Variants in CDH13 observed in about 807,000 individuals in gnomAD.
The protein encoded by CDH13 is cadherin 13.
A neutral mutation model predicts 63.8 loss-of-function variants in CDH13; 24 were observed. The observed-to-expected ratio is 0.38, with a 90% confidence interval of 0.27 to 0.53. The LOEUF (loss-of-function observed/expected upper bound fraction) is 0.53, where lower values mean the gene tolerates loss of function less well. CDH13 is among the 20% of genes least tolerant of loss of function. The probability of loss-of-function intolerance (pLI) is 0.85; values close to 1 mark genes in which losing one functional copy is unlikely to be tolerated. For synonymous variants in CDH13, 503 were observed against 355.3 expected, an observed-to-expected ratio of 1.42 and a Z score of -4.67; for missense variants, 1,049 against 903.1, an observed-to-expected ratio of 1.16 and a Z score of -2.07.
intron 6 of CDH13, among the ~76,000 whole-genome samples, chr16:83,441,740 G>A (rs2072486124): frequency 6.6e-6 from 1 of 152,104 alleles, no homozygotes; most frequent in Non-Finnish European, 1.5e-5. Flanking sequence ...AACGGTGTCT[G>A]GGAAGAGAGA....
intron 3 of CDH13, among the ~76,000 whole-genome samples, chr16:83,070,254 C>G (rs1324702695): frequency 2.0e-5 from 3 of 152,114 alleles, no homozygotes; most frequent in Non-Finnish European, 4.4e-5. Flanking sequence ...TTCCCTATAA[C>G]TAAATATTTG....
intron 5 of CDH13, among the ~76,000 whole-genome samples, chr16:83,268,429 C>T (rs1354410362): frequency 2.0e-5 from 3 of 152,174 alleles, no homozygotes; most frequent in African/African-American, 7.2e-5. Context: ...GTTGTTACTA[C>T]AGTTACCACA....
At chr16:82,788,957 C>T (rs558374189) in intron 1 of CDH13, among the ~76,000 whole-genome samples, 60 of 152,168 alleles carry the variant, frequency 3.9e-4, no homozygotes, top group Non-Finnish European at 1.6e-4. Flanking sequence ...GGTGAGCTTC[C>T]GGGCTGAATC....
chr16:83,709,985 C>G (rs1907760720), intron 10 of CDH13, among the ~76,000 whole-genome samples: 1 of 152,142 alleles, frequency 6.6e-6, no homozygotes, highest in Non-Finnish European at 1.5e-5. Context: ...CAAAAAATGG[C>G]CTATTTTTAG....
chr16:83,594,819 C>G (rs563470772), intron 7 of CDH13, among the ~76,000 whole-genome samples: 1 of 152,126 alleles, frequency 6.6e-6, no homozygotes, highest in African/African-American at 2.4e-5. Context: ...TGCAAAACGT[C>G]GAGGGTCTGG....
chr16:83,267,071 A>G (rs1907711202), intron 5 of CDH13, among the ~76,000 whole-genome samples: 1 of 152,032 alleles, frequency 6.6e-6, no homozygotes, highest in Admixed American at 6.6e-5. Context: ...CAGTGTTAAG[A>G]ATTTGTTAGG....
intron 8 of CDH13, among the ~76,000 whole-genome samples, chr16:83,624,167 G>A (rs1363398818): frequency 6.6e-6 from 1 of 152,100 alleles, no homozygotes; most frequent in African/African-American, 2.4e-5. Flanking sequence ...CTCTCTCCTT[G>A]TGGCAAGAAA....
intron 1 of CDH13, among the ~76,000 whole-genome samples, chr16:82,631,656 C>T (rs918797930): frequency 6.6e-6 from 1 of 152,208 alleles, no homozygotes; most frequent in African/African-American, 2.4e-5. Flanking sequence ...GAACAGGCTG[C>T]ACAGACAATG....
intron 1 of CDH13, among the ~76,000 whole-genome samples, chr16:82,853,299 G>C (rs1248067293): frequency 6.6e-6 from 1 of 152,140 alleles, no homozygotes; most frequent in South Asian, 2.1e-4. Context: ...TCTATTCACT[G>C]AACAGTTTTT....
At chr16:82,991,519 A>G (rs1291992444) in intron 2 of CDH13, among the ~76,000 whole-genome samples, 1 of 152,140 alleles carries the variant, frequency 6.6e-6, no homozygotes, top group East Asian at 1.9e-4. Flanking sequence ...TTTCCTGCCC[A>G]AGTCCAATTT....
intron 6 of CDH13, among the ~76,000 whole-genome samples, chr16:83,460,295 G>A (rs2073141447): frequency 6.6e-6 from 1 of 152,218 alleles, no homozygotes; most frequent in African/African-American, 2.4e-5. Context: ...CTGCTGTTCA[G>A]AGAGTAAATT....
chr16:82,702,095 C>A (rs1361817746), intron 1 of CDH13, among the ~76,000 whole-genome samples: 4 of 152,186 alleles, frequency 2.6e-5, no homozygotes, highest in African/African-American at 7.2e-5. Context: ...ATGCGAAGAA[C>A]CAGAGTCCCC....
intron 6 of CDH13, among the ~76,000 whole-genome samples, chr16:83,457,651 A>T (rs910591916): frequency 1.3e-5 from 2 of 152,000 alleles, no homozygotes; most frequent in South Asian, 4.1e-4. Context: ...CTTTAGAGAG[A>T]TGAGTTCAGG....
At chr16:82,648,453 A>G (rs957838637) in intron 1 of CDH13, among the ~76,000 whole-genome samples, 3 of 152,208 alleles carry the variant, frequency 2.0e-5, no homozygotes, top group East Asian at 1.9e-4. Context: ...AGGCAGCTCA[A>G]TAGAATATTA....
intron 1 of CDH13, among the ~76,000 whole-genome samples, chr16:82,700,277 C>A (rs548443920): frequency 6.6e-6 from 1 of 152,170 alleles, no homozygotes; most frequent in African/African-American, 2.4e-5. Flanking sequence ...ATCTACTTGA[C>A]CTGGGAACCC....
intron 1 of CDH13, chr16:82,823,182 C>G (rs531355965): frequency 6.6e-6 from 1 of 152,298 alleles, no homozygotes; most frequent in East Asian, 1.9e-4. Context: ...CACAGTGTCA[C>G]CTTTGCCACA....
intron 1 of CDH13, among the ~76,000 whole-genome samples, chr16:82,662,655 T>A (rs1437297168): frequency 6.6e-6 from 1 of 152,210 alleles, no homozygotes; most frequent in African/African-American, 2.4e-5. Flanking sequence ...AAATGCGCTT[T>A]ATAATTATTC....
chr16:83,100,654 T>C (rs7187957), intron 3 of CDH13, among the ~76,000 whole-genome samples: 6,746 of 152,290 alleles, frequency 0.044, 193 homozygotes, highest in South Asian at 0.079. Flanking sequence ...CTTCATAACC[T>C]ATTCTTGCTG....
chr16:82,752,508 A>G (rs2034459256), intron 1 of CDH13, among the ~76,000 whole-genome samples: 1 of 152,238 alleles, frequency 6.6e-6, no homozygotes, highest in South Asian at 2.1e-4. Context: ...TGATTGGTTG[A>G]GGCAAGTCTA....
Sources: gnomAD v4.1 joint callset for allele counts (sites outside exome capture counted in the v4.1 genomes callset) on GRCh38, gnomAD v4.1.1 for gene constraint, MANE v1.5 for transcripts, NCBI Gene and HGNC (gene_info 2026-07-23, HGNC 2026-07-21) for gene names.